AFF2: variants seen among roughly 807,000 people sequenced by gnomAD.
AFF2 encodes ALF transcription elongation factor 2.
Under a neutral mutation model 76.9 loss-of-function variants are expected in AFF2, and 14 were observed. The observed-to-expected ratio is 0.18, with a 90% CI of 0.12 to 0.28. The LOEUF (loss-of-function observed/expected upper bound fraction) is 0.28, where lower values mean the gene tolerates loss of function less well. Among genes scored for constraint, AFF2 ranks in the 10% least tolerant of loss-of-function variants. The pLI, the probability that AFF2 is intolerant of heterozygous loss-of-function variation, is 1.00. For missense variants in AFF2, 868 were observed against 1,001.1 expected, an observed-to-expected ratio of 0.87 and a Z score of 1.79; for synonymous variants, 398 against 366.7, an observed-to-expected ratio of 1.09 and a Z score of -0.98.
At chrX:148,520,773 A>G (rs1427366494) in intron 1 of AFF2, among the ~76,000 whole-genome samples, 1 of 112,438 alleles carries the variant, frequency 8.9e-6, no homozygotes, top group Non-Finnish European at 1.9e-5. Context: ...TTTAATCACT[A>G]TACCTACAGT....
chrX:148,756,462 A>G (rs1557266905), intron 3 of AFF2, among the ~76,000 whole-genome samples: 3 of 112,473 alleles, frequency 2.7e-5, no homozygotes, highest in Non-Finnish European at 5.6e-5. Context: ...TGGAATGTGA[A>G]CATTTCATTT....
intron 1 of AFF2, among the ~76,000 whole-genome samples, chrX:148,644,136 T>C (rs1320767311): frequency 8.9e-6 from 1 of 111,967 alleles, no homozygotes; most frequent in Non-Finnish European, 1.9e-5. Context: ...ATGTAAACCA[T>C]GCTCCAATAG....
intron 1 of AFF2, among the ~76,000 whole-genome samples, chrX:148,555,855 C>G (rs1333259898): frequency 8.9e-6 from 1 of 112,523 alleles, no homozygotes; most frequent in East Asian, 2.8e-4. Context: ...TTTATGGATG[C>G]TTGCTATTAG....
chrX:148,581,109 A>T (rs1380506127), intron 1 of AFF2, among the ~76,000 whole-genome samples: 1 of 104,091 alleles, frequency 9.6e-6, no homozygotes, highest in Non-Finnish European at 2.0e-5. Context: ...ATATATACAC[A>T]TACGTATACA....
Position 148,996,261 on chromosome X carries a change from T to A in AFF2, c.*4929T>A, listed in dbSNP as rs1416905304. On this transcript the variant is annotated 3_prime_UTR_variant, in exon 21 of 21. Transcript: ENST00000370460. ...TAATGCCGTGTTGCCCAGAACAAGA[T>A]CTAGCTTCTCATTTGGTCAGCCTAG... The A allele has an allele frequency of 8.9e-6, 1 of 112,844 alleles. No individual in the cohort carries two copies. Among genetic ancestry groups the A allele is most frequent in the Non-Finnish European group, 1.9e-5 (1 of 53,374 alleles). 9.3% of individuals were successfully genotyped at this position (112,844 alleles called of 1,213,427 possible).
chrX:148,881,838 A>G (rs1322229870), intron 7 of AFF2, among the ~76,000 whole-genome samples: 1 of 111,808 alleles, frequency 8.9e-6, no homozygotes. Context: ...GGCAATTTGT[A>G]TAAACTTTAT....
At chrX:148,845,804 C>T (rs1294727754) in intron 7 of AFF2, among the ~76,000 whole-genome samples, 1 of 111,357 alleles carries the variant, frequency 9.0e-6, no homozygotes, top group Non-Finnish European at 1.9e-5. Context: ...GTAAGTCAGC[C>T]GTGATGCAGG....
chrX:148,607,799 A>G (rs139317646), intron 1 of AFF2, among the ~76,000 whole-genome samples: 1 of 111,936 alleles, frequency 8.9e-6, no homozygotes, highest in East Asian at 2.8e-4. Context: ...AAATGGTTCT[A>G]CAAATCTATC....
chrX:148,771,039 T>C (rs1299684923), intron 3 of AFF2, among the ~76,000 whole-genome samples: 1 of 112,189 alleles, frequency 8.9e-6, no homozygotes, highest in Non-Finnish European at 1.9e-5. Context: ...TTGTACATGC[T>C]GGGCAGAAGG....
chrX:148,761,465 T>C (rs1389289676), intron 3 of AFF2, among the ~76,000 whole-genome samples: 1 of 89,278 alleles, frequency 1.1e-5, no homozygotes, highest in Non-Finnish European at 2.0e-5. Context: ...CCAGTTTTTT[T>C]TGTTTTTTTT....
chrX:148,690,429 G>A (rs932564748), intron 3 of AFF2, among the ~76,000 whole-genome samples: 2 of 112,075 alleles, frequency 1.8e-5, no homozygotes, highest in Non-Finnish European at 3.8e-5. Flanking sequence ...ATACCATCTA[G>A]TCTAAACCTC....
chrX:148,505,154 C>T (rs1431629223), intron 1 of AFF2, among the ~76,000 whole-genome samples: 1 of 111,842 alleles, frequency 8.9e-6, no homozygotes, highest in Non-Finnish European at 1.9e-5. Context: ...TGTGTTTGAG[C>T]ATTCATTCAA....
At chrX:148,620,572 A>G (rs1484095079) in intron 1 of AFF2, among the ~76,000 whole-genome samples, 2 of 110,435 alleles carry the variant, frequency 1.8e-5, no homozygotes, top group Non-Finnish European at 3.8e-5. Context: ...GGGTTGTAAT[A>G]TAGACTGATC....
At chrX:148,807,982 ACAAT>A (rs2124639014) in intron 3 of AFF2, among the ~76,000 whole-genome samples, 1 of 112,653 alleles carries the variant, frequency 8.9e-6, no homozygotes, top group Non-Finnish European at 1.9e-5. Flanking sequence ...AAGCAAACAA[ACAAT>A]CAAACAACTA....
At chrX:148,984,717 C>T (rs2072442507) in intron 19 of AFF2, among the ~76,000 whole-genome samples, 1 of 111,979 alleles carries the variant, frequency 8.9e-6, no homozygotes, top group Non-Finnish European at 1.9e-5. Flanking sequence ...TCCCCAATAA[C>T]ACTTCAGTGT....
intron 3 of AFF2, among the ~76,000 whole-genome samples, chrX:148,680,274 A>G (rs1312560110): frequency 8.9e-6 from 1 of 112,446 alleles, no homozygotes; most frequent in Non-Finnish European, 1.9e-5. Flanking sequence ...AAGTGAATAC[A>G]TCCCCTGGAG....
chrX:148,916,876 G>C (rs2071539045), intron 9 of AFF2, among the ~76,000 whole-genome samples: 1 of 112,236 alleles, frequency 8.9e-6, no homozygotes, highest in Non-Finnish European at 1.9e-5. Context: ...AGTCACTGCT[G>C]TAACCCCAGC....
chrX:148,966,689 TTTTG>T, intron 13 of AFF2, 97 bp from the exon 14 acceptor site: 1 of 1,124,223 alleles, frequency 8.9e-7, no homozygotes, highest in Non-Finnish European at 1.2e-6. Context: ...TTTTTTTTTT[TTTTG>T]CCTTCTTTCG....
intron 9 of AFF2, among the ~76,000 whole-genome samples, chrX:148,906,309 C>A (rs2071406819): frequency 2.7e-5 from 3 of 112,044 alleles, no homozygotes; most frequent in Admixed American, 1.9e-4. Context: ...CCCTACTATG[C>A]CCCCAGTTCA....
Sources: gnomAD v4.1 joint callset for allele counts (sites outside exome capture counted in the v4.1 genomes callset) on GRCh38, gnomAD v4.1.1 for gene constraint, MANE v1.5 for transcripts, NCBI Gene and HGNC (gene_info 2026-07-23, HGNC 2026-07-21) for gene names.